LIN54: variants seen among roughly 807,000 people sequenced by gnomAD.
LIN54 encodes lin-54 DREAM MuvB core complex component, also known as protein lin-54 homolog.
Under a neutral mutation model 78.7 loss-of-function variants are expected in LIN54, and 9 were observed. That is an observed-to-expected ratio of 0.11 (90% CI 0.07 to 0.20). The LOEUF (loss-of-function observed/expected upper bound fraction) is 0.20. Ranked by LOEUF, LIN54 falls within the 10% of genes least tolerant of loss-of-function variation. The pLI, the probability that LIN54 is intolerant of heterozygous loss-of-function variation, is 1.00. For synonymous variants in LIN54, 269 were observed against 318.4 expected (o/e 0.84, Z 1.65); for missense variants, 573 against 889.9 (o/e 0.64, Z 4.53).
At chr4:82,983,527 C>CA (rs922661386) in intron 2 of LIN54, among the ~76,000 whole-genome samples, 3 of 152,196 alleles carry the variant, frequency 2.0e-5, no homozygotes, top group African/African-American at 7.2e-5. Context: ...GTCAAAAACT[C>CA]AGAGAAGATA....
intron 12 of LIN54, among the ~76,000 whole-genome samples, chr4:82,929,228 G>A (rs755016110): frequency 3.9e-5 from 6 of 152,076 alleles, no homozygotes; most frequent in Non-Finnish European, 8.8e-5. Context: ...TTGTTAACAT[G>A]CTAGCATAAC....
intron 4 of LIN54, among the ~76,000 whole-genome samples, chr4:82,969,345 T>C (rs1292474272): frequency 6.6e-6 from 1 of 152,230 alleles, no homozygotes; most frequent in East Asian, 1.9e-4. Flanking sequence ...AATGTTTCAG[T>C]CTAACTACCT....
At chr4:82,954,236 A>G (rs923390916) in intron 4 of LIN54, among the ~76,000 whole-genome samples, 2 of 152,116 alleles carry the variant, frequency 1.3e-5, no homozygotes, top group Non-Finnish European at 2.9e-5. Flanking sequence ...ACAGAGAAAA[A>G]TATTTGTAAC....
chr4:83,008,282 T>C (rs530760105), intron 1 of LIN54, among the ~76,000 whole-genome samples: 2 of 152,252 alleles, frequency 1.3e-5, no homozygotes, highest in East Asian at 3.9e-4. Flanking sequence ...AGTAATGATA[T>C]TGAGGTTATT....
intron 3 of LIN54, among the ~76,000 whole-genome samples, chr4:82,975,128 C>T (rs1726055039): frequency 6.6e-6 from 1 of 151,946 alleles, no homozygotes; most frequent in African/African-American, 2.4e-5. Flanking sequence ...AAGGCTGAGG[C>T]AGGTGGATCA....
Position 82,931,084 on chromosome 4 carries a change from G to C in LIN54, c.1907C>G (p.Pro636Arg). The C allele has an allele frequency of 1.2e-6, 2 of 1,614,072 alleles. No individual in the cohort carries two copies. The highest frequency in any genetic ancestry group is 1.7e-6 in the Non-Finnish European group (2 of 1,180,006). Residue 636 changes from proline to arginine, a missense_variant, in exon 12 of 13, where the codon CCG becomes CGG. Around this residue, in one of 6 missense-constraint regions of LIN54, gnomAD observed 82 missense variants for 140.8 expected, o/e 0.58. Coordinates refer to ENST00000340417, the MANE Select transcript of LIN54 (RefSeq NM_194282.4). The stretch of plus-strand genomic sequence containing the variant: ...CAAATGCATCAATGTCTTCCTTTCC[G>C]GGCTTTCTTCAAAATTCTTACAGCC... ...CIGCKNFEES[P>R]ERKTLMHLAD...
At chr4:82,942,770 G>A (rs896965248) in intron 5 of LIN54, among the ~76,000 whole-genome samples, 18 of 152,002 alleles carry the variant, frequency 1.2e-4, no homozygotes, top group African/African-American at 4.1e-4. Context: ...AAATAACTGG[G>A]AAGGAGAGTG....
intron 3 of LIN54, among the ~76,000 whole-genome samples, chr4:82,974,618 T>TC (rs746117496): frequency 1.2e-4 from 18 of 151,958 alleles, no homozygotes; most frequent in Non-Finnish European, 2.1e-4. Flanking sequence ...ACACCTGTAA[T>TC]CCCAGCTACT....
At chr4:82,987,285 T>C (rs1004348888) in intron 1 of LIN54, among the ~76,000 whole-genome samples, 7 of 152,154 alleles carry the variant, frequency 4.6e-5, no homozygotes, top group Non-Finnish European at 1.0e-4. Flanking sequence ...AGTGAGACTT[T>C]GTCTCAAAAA....
In LIN54 at chr4:82,928,110, T is replaced by G; in HGVS notation, c.2242A>C (p.Asn748His). 1 of 1,614,014 alleles carries G rather than the reference T, an allele frequency of 6.2e-7. No homozygotes were observed. The highest frequency in any genetic ancestry group is 1.1e-5 in the South Asian group (1 of 91,082). Residue 748 changes from asparagine to histidine, a missense_variant, in exon 13 of 13, where the codon AAT becomes CAT. This residue lies in a region of LIN54 where 82 missense variants were observed against 140.8 expected (regional missense o/e 0.58). Coordinates refer to ENST00000340417, the MANE Select transcript of LIN54 (RefSeq NM_194282.4). Reference protein sequence around the residue: ...GKAKSDPCAMNC With the variant: ...GKAKSDPCAMHC The stretch of plus-strand genomic sequence containing the variant: ...AGTCTTTTGTGCAAGAGTTAGCAAT[T>G]CATGGCACAAGGGTCACTTTTTGCC...
At chr4:83,012,585 G>A (rs1041355718), upstream of LIN54, among the ~76,000 whole-genome samples, 7 of 152,172 alleles carry the variant, frequency 4.6e-5, no homozygotes, top group Non-Finnish European at 8.8e-5. Context: ...GAGCCCCAAG[G>A]ATCCTTCGCC....
At chr4:82,938,096 A>AGTGCTCT (rs1468125652) in intron 8 of LIN54, among the ~76,000 whole-genome samples, 1 of 152,238 alleles carries the variant, frequency 6.6e-6, no homozygotes, top group Non-Finnish European at 1.5e-5. Context: ...ACTGCACTCC[A>AGTGCTCT]GCCTGGGCAA....
chr4:83,010,497 C>T lies in LIN54; in HGVS notation c.-46G>A. The T allele has an allele frequency of 2.8e-5, 33 of 1,167,060 alleles. No individual in the cohort carries two copies. Among genetic ancestry groups the T allele is most frequent in the Non-Finnish European group, 3.5e-5 (33 of 948,252 alleles). 72.3% of individuals were successfully genotyped at this position (1,167,060 alleles called of 1,614,324 possible). ...ATCCTCCTCTACCTCCAGCGGCTGC[C>T]GCTTTCTCCTCCCTCGGGCTCCGAG... On this transcript the variant is annotated 5_prime_UTR_variant, in exon 1 of 13. Transcript: ENST00000340417.
At chr4:83,003,080 C>T (rs1323932418) in intron 1 of LIN54, among the ~76,000 whole-genome samples, 2 of 152,162 alleles carry the variant, frequency 1.3e-5, no homozygotes, top group Non-Finnish European at 2.9e-5. Context: ...GTGGCGTGAT[C>T]TCCACTCACT....
At chr4:82,997,542 T>C (rs1045675359) in intron 1 of LIN54, among the ~76,000 whole-genome samples, 1 of 152,022 alleles carries the variant, frequency 6.6e-6, no homozygotes, top group South Asian at 2.1e-4. Flanking sequence ...TCAAAGAGCC[T>C]AGAAATAAAT....
chr4:82,964,055 C>T (rs1210374579), intron 4 of LIN54, among the ~76,000 whole-genome samples: 1 of 108,744 alleles, frequency 9.2e-6, no homozygotes, highest in Admixed American at 8.0e-5. Flanking sequence ...CTCCCTCCCT[C>T]CTTTTTTTTT....
intron 2 of LIN54, among the ~76,000 whole-genome samples, chr4:82,980,082 G>C (rs973693339): frequency 1.3e-5 from 2 of 151,756 alleles, no homozygotes; most frequent in Non-Finnish European, 2.9e-5. Flanking sequence ...TCCTTGAAGA[G>C]AGAAACTATA....
chr4:82,951,009 G>A (rs550929483), intron 4 of LIN54, among the ~76,000 whole-genome samples: 4 of 152,182 alleles, frequency 2.6e-5, no homozygotes, highest in African/African-American at 7.2e-5. Context: ...GTATAAATAC[G>A]TATTAATATA....
intron 3 of LIN54, among the ~76,000 whole-genome samples, chr4:82,974,593 C>T (rs1234396211): frequency 6.6e-6 from 1 of 151,758 alleles, no homozygotes; most frequent in Non-Finnish European, 1.5e-5. Flanking sequence ...AAAAATTAGC[C>T]GGGCGTGATG....
Sources: gnomAD v4.1 joint callset for allele counts (sites outside exome capture counted in the v4.1 genomes callset) on GRCh38, gnomAD v4.1.1 for gene constraint, gnomAD v4.1.1 regional missense constraint, MANE v1.5 for transcripts, NCBI Gene and HGNC (gene_info 2026-07-23, HGNC 2026-07-21) for gene names.